Variants in MDGA2 observed in about 807,000 individuals in gnomAD.
The protein encoded by MDGA2 is MAM domain containing glycosylphosphatidylinositol anchor 2.
Under a neutral mutation model 117.8 loss-of-function variants are expected in MDGA2, and 40 were observed. That is an observed-to-expected ratio of 0.34 (90% confidence interval 0.26 to 0.44). The LOEUF is 0.44. Among genes scored for constraint, MDGA2 ranks in the 20% least tolerant of loss-of-function variants. MDGA2 has a pLI of 1.00. For missense variants in MDGA2, 1,123 were observed against 1,250.6 expected, an observed-to-expected ratio of 0.90 and a Z score of 1.54; for synonymous variants, 452 against 439.0, an observed-to-expected ratio of 1.03 and a Z score of -0.37.
intron 1 of MDGA2, among the ~76,000 whole-genome samples, chr14:47,355,147 C>T (rs7158033): frequency 0.013 from 1,976 of 152,252 alleles, 48 homozygotes; most frequent in African/African-American, 0.045. Flanking sequence ...AGCTTACCCT[C>T]GCACATCTGC....
chr14:47,556,540 G>A (rs982948245), intron 1 of MDGA2, among the ~76,000 whole-genome samples: 1 of 152,176 alleles, frequency 6.6e-6, no homozygotes, highest in Non-Finnish European at 1.5e-5. Flanking sequence ...ATCACCTTGA[G>A]CAGAACAACA....
chr14:47,222,620 A>G, intron 2 of MDGA2, among the ~76,000 whole-genome samples: 1 of 152,080 alleles, frequency 6.6e-6, no homozygotes, highest in East Asian at 1.9e-4. Context: ...AATATACAGA[A>G]AGTCATCTAT....
At chr14:47,542,446 T>C (rs7152077) in intron 1 of MDGA2, among the ~76,000 whole-genome samples, 97,611 of 152,050 alleles carry the variant, frequency 0.64, 32,155 homozygotes, top group East Asian at 0.99. Flanking sequence ...TGTAAAAACC[T>C]CTGAGAAGCA....
intron 10 of MDGA2, among the ~76,000 whole-genome samples, chr14:46,882,912 T>C (rs1178529480): frequency 6.6e-6 from 1 of 151,884 alleles, no homozygotes; most frequent in Non-Finnish European, 1.5e-5. Context: ...ATGGTCTCCT[T>C]GAAATAAATG....
At chr14:47,646,078 T>C (rs1195941728) in intron 1 of MDGA2, among the ~76,000 whole-genome samples, 3 of 57,062 alleles carry the variant, frequency 5.3e-5, no homozygotes, top group African/African-American at 7.6e-5. Flanking sequence ...AGACTCCGTC[T>C]CAAAAAAAAA....
At chr14:47,439,301 A>C (rs775018833) in intron 1 of MDGA2, among the ~76,000 whole-genome samples, 10 of 152,072 alleles carry the variant, frequency 6.6e-5, no homozygotes, top group Non-Finnish European at 1.3e-4. Flanking sequence ...TGATGTGTGT[A>C]TATGTAAGAT....
At chr14:47,664,163 G>A (rs1037799155) in intron 1 of MDGA2, among the ~76,000 whole-genome samples, 31 of 152,050 alleles carry the variant, frequency 2.0e-4, no homozygotes, top group African/African-American at 7.0e-4. Flanking sequence ...TAAACTACAC[G>A]TGCATCGAAA....
At chr14:47,491,901 G>A (rs1286018097) in intron 1 of MDGA2, among the ~76,000 whole-genome samples, 1 of 152,002 alleles carries the variant, frequency 6.6e-6, no homozygotes, top group Non-Finnish European at 1.5e-5. Context: ...TGACCACAGT[G>A]TTGGGGTAGT....
At chr14:47,255,950 A>G (rs1442979513) in intron 2 of MDGA2, among the ~76,000 whole-genome samples, 1 of 152,032 alleles carries the variant, frequency 6.6e-6, no homozygotes, top group Non-Finnish European at 1.5e-5. Context: ...TTTACATAAA[A>G]TTAAATTGAC....
chr14:47,357,962 T>G lies in MDGA2; in HGVS notation c.281-56412A>C, dbSNP rs1891033010. 1.3e-5 allele frequency among the ~76,000 whole-genome samples: 2 copies of G among 152,114 alleles called. 1 individual carries two copies. The highest frequency in any genetic ancestry group is 4.8e-5 in the African/African-American group (2 of 41,416). On this transcript the variant is annotated intron_variant, in intron 1 of 16. Coordinates refer to ENST00000399232, the MANE Select transcript of MDGA2 (RefSeq NM_001113498.3). ...GGAGTAGAATGTCTCAGAGGGGGAT[T>G]TGTAACCCATAGTCCCTGGGTTTTC...
intron 10 of MDGA2, among the ~76,000 whole-genome samples, chr14:46,882,841 A>AC (rs1882517716): frequency 1.3e-5 from 2 of 151,888 alleles, no homozygotes; most frequent in South Asian, 4.1e-4. Context: ...CCATAAGAAG[A>AC]ATGTTAGGAA....
chr14:47,228,999 C>CA (rs1566691510), intron 2 of MDGA2, among the ~76,000 whole-genome samples: 1 of 151,444 alleles, frequency 6.6e-6, no homozygotes, highest in Non-Finnish European at 1.5e-5. Context: ...ATATTGTTTG[C>CA]AAAAAAAGAG....
At chr14:47,095,874 G>C (rs911470928) in intron 6 of MDGA2, among the ~76,000 whole-genome samples, 1 of 151,956 alleles carries the variant, frequency 6.6e-6, no homozygotes, top group African/African-American at 2.4e-5. Context: ...TCCATCATAA[G>C]TAATTTTCAT....
chr14:47,670,806 C>T (rs986629421), intron 1 of MDGA2, among the ~76,000 whole-genome samples: 36 of 151,908 alleles, frequency 2.4e-4, no homozygotes, highest in Non-Finnish European at 4.4e-4. Context: ...TTTAACATTC[C>T]AAGAGTATTT....
At chr14:47,179,282 C>T (rs562834384) in intron 3 of MDGA2, among the ~76,000 whole-genome samples, 133 of 152,074 alleles carry the variant, frequency 8.7e-4, no homozygotes, top group African/African-American at 2.9e-3. Flanking sequence ...AATATTTATA[C>T]TTATGTTTTC....
intron 1 of MDGA2, among the ~76,000 whole-genome samples, chr14:47,462,304 A>C (rs1301614533): frequency 5.3e-5 from 8 of 150,668 alleles, no homozygotes; most frequent in African/African-American, 1.9e-4. Flanking sequence ...GGAACCTGGG[A>C]AGCGGAGCTT....
At chr14:47,155,954 G>T (rs1883368124) in intron 3 of MDGA2, among the ~76,000 whole-genome samples, 2 of 118,826 alleles carry the variant, frequency 1.7e-5, no homozygotes, top group African/African-American at 6.3e-5. Flanking sequence ...CTGTCACCCA[G>T]GCTGGAGAGC....
chr14:47,085,221 A>C (rs1890854350), intron 6 of MDGA2, among the ~76,000 whole-genome samples: 1 of 152,218 alleles, frequency 6.6e-6, no homozygotes, highest in African/African-American at 2.4e-5. Flanking sequence ...TAATAAAATC[A>C]GTAATCAAAT....
intron 2 of MDGA2, 128 bp downstream of exon 2, chr14:47,301,283 A>ACC: frequency 4.3e-6 from 4 of 928,638 alleles, no homozygotes; most frequent in East Asian, 2.8e-5. Context: ...ACACACACAC[A>ACC]CCCACACCCA....
Sources: allele counts gnomAD v4.1 joint callset (sites outside exome capture counted in the v4.1 genomes callset), GRCh38; gene constraint gnomAD v4.1.1; transcripts MANE v1.5; gene names NCBI Gene and HGNC (gene_info 2026-07-23, HGNC 2026-07-21).